ABCA12: variants seen among roughly 807,000 people sequenced by gnomAD.
The protein encoded by ABCA12 is glucosylceramide transporter ABCA12.
ABCA12 carries 156 observed loss-of-function variants against 293.5 expected under a neutral mutation model. The observed-to-expected ratio is 0.53, with a 90% confidence interval of 0.47 to 0.61. ABCA12 has a LOEUF of 0.61. ABCA12 is among the 20% of genes least tolerant of loss of function. The pLI, the probability that ABCA12 is intolerant of heterozygous loss-of-function variation, is 0.00. For synonymous variants in ABCA12, 1,063 were observed against 1,108.0 expected (o/e 0.96, Z 0.81); for missense variants, 2,797 against 3,090.2 (o/e 0.91, Z 2.25).
intron 1 of ABCA12, among the ~76,000 whole-genome samples, chr2:215,135,898 T>C (rs1361697334): frequency 6.6e-6 from 1 of 152,182 alleles, no homozygotes; most frequent in Non-Finnish European, 1.5e-5. Context: ...GAGCTGACCC[T>C]AGGCGAAACT....
At chr2:215,073,755 A>T (rs962579273) in intron 2 of ABCA12, among the ~76,000 whole-genome samples, 11 of 152,278 alleles carry the variant, frequency 7.2e-5, no homozygotes, top group African/African-American at 2.6e-4. Context: ...TCACCTAGGC[A>T]TCTAGGAGTT....
At chr2:215,115,866 G>A (rs1702675523) in intron 1 of ABCA12, among the ~76,000 whole-genome samples, 1 of 152,188 alleles carries the variant, frequency 6.6e-6, no homozygotes, top group Admixed American at 6.5e-5. Context: ...AGAGGACATG[G>A]GCACTGAGGC....
chr2:214,973,496 C>T (rs749480445), intron 36 of ABCA12, among the ~76,000 whole-genome samples: 27 of 152,004 alleles, frequency 1.8e-4, no homozygotes, highest in Non-Finnish European at 3.5e-4. Context: ...TTTGTTTTTT[C>T]AGGAAATGAT....
rs1490888932 is a variant in ABCA12, at chr2:214,973,534, T to C, written c.5562+415A>G. ...TTTTCCTGAAGCCTGGAGGTGTTGC[T>C]TAGAGACACATGGAGTTCTGTTCTA... On this transcript the variant is annotated intron_variant, in intron 36 of 52. Transcript: ENST00000272895. Among the ~76,000 whole-genome samples the C allele has an allele frequency of 2.0e-5, 3 of 152,178 alleles. No individual in the cohort carries two copies. In the East Asian group the frequency reaches 5.8e-4, roughly 29 times the overall value.
At position 214,997,630 on chromosome 2, in the gene ABCA12, T is replaced by C. The variant is rs567790720; in HGVS notation, c.3294+65A>G. On this transcript the variant is annotated intron_variant, in intron 23 of 52. Coordinates refer to ENST00000272895, the MANE Select transcript of ABCA12 (RefSeq NM_173076.3). ...CTTTCTGAAGTTTATAAAGGCATGA[T>C]GAAAATCATAGTAATTGTTCTATGA... 7.3e-6 allele frequency: 9 copies of C among 1,238,058 alleles called. No individual in the cohort carries two copies. In the African/African-American group the frequency reaches 1.1e-4, roughly 14 times the overall value. The allele number at this position is 1,238,058 out of a possible 1,614,324, so 76.7% of individuals were successfully genotyped here.
chr2:215,011,051 A>G (rs1276346525), intron 17 of ABCA12, among the ~76,000 whole-genome samples: 1 of 152,010 alleles, frequency 6.6e-6, no homozygotes, highest in African/African-American at 2.4e-5. Context: ...CTAGAAAGTT[A>G]GGAAAAAAAT....
chr2:214,994,688 A>G (rs1699998253), intron 23 of ABCA12, among the ~76,000 whole-genome samples: 1 of 152,212 alleles, frequency 6.6e-6, no homozygotes, highest in African/African-American at 2.4e-5. Context: ...GGATGTTGTG[A>G]TCATTACTGG....
intron 39 of ABCA12, among the ~76,000 whole-genome samples, chr2:214,966,210 G>T (rs749117854): frequency 3.3e-5 from 5 of 152,152 alleles, no homozygotes; most frequent in Non-Finnish European, 5.9e-5. Flanking sequence ...ACATGGTGGG[G>T]AACAACACAC....
chr2:214,959,914 A>T (rs2105939054), intron 39 of ABCA12, among the ~76,000 whole-genome samples: 1 of 152,266 alleles, frequency 6.6e-6, no homozygotes, highest in Non-Finnish European at 1.5e-5. Context: ...CGACTGTGGA[A>T]AAGAGTGGTA....
Position 215,081,843 on chromosome 2 carries a change from A to G in ABCA12, c.164-17624T>C, listed in dbSNP as rs80122444. ...ATTGACAATGAAGTTTTATTTCCCTATAAAACAATTAAGAGGATCTTGAAT... is the reference window on the plus strand; with the variant it reads ...ATTGACAATGAAGTTTTATTTCCCTGTAAAACAATTAAGAGGATCTTGAAT... On this transcript the variant is annotated intron_variant, in intron 2 of 52. Coordinates refer to ENST00000272895, the MANE Select transcript of ABCA12 (RefSeq NM_173076.3). Among the ~76,000 whole-genome samples the G allele has an allele frequency of 5.9e-5, 9 of 152,288 alleles. No individual in the cohort carries two copies. The East Asian group carries it at 1.5e-3, about 26-fold the overall frequency.
intron 2 of ABCA12, among the ~76,000 whole-genome samples, chr2:215,098,466 A>G (rs1355285758): frequency 2.6e-5 from 4 of 152,228 alleles, no homozygotes; most frequent in South Asian, 2.1e-4. Flanking sequence ...ACAAAAGGCA[A>G]CCACTCCAGA....
At chr2:215,098,935 C>T (rs1173792306) in intron 2 of ABCA12, among the ~76,000 whole-genome samples, 1 of 152,196 alleles carries the variant, frequency 6.6e-6, no homozygotes, top group Non-Finnish European at 1.5e-5. Context: ...CACGTTTATG[C>T]CCTTTGTTAT....
In ABCA12 at chr2:215,064,165, G is replaced by A; in HGVS notation, c.218C>T (p.Thr73Ile). Residue 73 changes from threonine (T) to isoleucine (I), a missense_variant, in exon 3 of 53, where the codon ACC (threonine) becomes ATC (isoleucine). By Grantham distance (89) the Thr-to-Ile change is moderately conservative (BLOSUM62 -1). This residue lies in a region of ABCA12 where 656 missense variants were observed against 638.2 expected (regional missense o/e 1.03). Transcript: ENST00000272895. Reference protein sequence around the residue: ...PSTGFFPFLQTLLCDTDSKCK... With the variant: ...PSTGFFPFLQILLCDTDSKCK... ...TTTAGAGTCTGTGTCACAGAGTAGG[G>A]TCTGCAGGAATGGAAAGAATCCAGT... is the stretch of plus-strand genomic sequence containing the variant. 1 of 1,612,826 alleles carries A rather than the reference G, an allele frequency of 6.2e-7. No individual in the cohort carries two copies. Among genetic ancestry groups the A allele is most frequent in the South Asian group, 1.1e-5 (1 of 91,068 alleles).
intron 2 of ABCA12, among the ~76,000 whole-genome samples, chr2:215,077,398 C>T (rs1226121517): frequency 6.6e-6 from 1 of 152,116 alleles, no homozygotes; most frequent in African/African-American, 2.4e-5. Flanking sequence ...TTGATAAATT[C>T]CATTCTTTGG....
At position 215,084,610 on chromosome 2, in the gene ABCA12, T is replaced by A. The variant is rs545324005; in HGVS notation, c.164-20391A>T. On this transcript the variant is annotated intron_variant, in intron 2 of 52. Coordinates refer to ENST00000272895, the MANE Select transcript of ABCA12 (RefSeq NM_173076.3). Reference sequence around the variant, plus strand: ...TCCTTAACCATCAAAAGGGGGAAACTTAGCCAGAAGCTTCTCGTAACTATT... The same window carrying A: ...TCCTTAACCATCAAAAGGGGGAAACATAGCCAGAAGCTTCTCGTAACTATT... Among the ~76,000 whole-genome samples the A allele has an allele frequency of 3.3e-5, 5 of 152,278 alleles. No homozygotes were observed. In the South Asian group the frequency reaches 6.2e-4, roughly 19 times the overall value.
intron 19 of ABCA12, among the ~76,000 whole-genome samples, chr2:215,006,872 T>C (rs1210388584): frequency 1.9e-3 from 6 of 3,112 alleles, no homozygotes; most frequent in South Asian, 0.025. Flanking sequence ...CCTGCCTTTT[T>C]TTTTTTTTTT....
At chr2:215,071,552 T>C (rs1414618119) in intron 2 of ABCA12, among the ~76,000 whole-genome samples, 1 of 152,176 alleles carries the variant, frequency 6.6e-6, no homozygotes, top group Admixed American at 6.5e-5. Context: ...GAAAAACAGG[T>C]ACACTTCTAG....
chr2:215,107,260 G>T (rs187431051), intron 2 of ABCA12, among the ~76,000 whole-genome samples: 25 of 152,252 alleles, frequency 1.6e-4, no homozygotes, highest in Non-Finnish European at 3.1e-4. Context: ...TAAGCTTGCC[G>T]CACATTACAG....
intron 11 of ABCA12, among the ~76,000 whole-genome samples, chr2:215,024,421 A>G (rs983520531): frequency 1.3e-5 from 2 of 152,230 alleles, no homozygotes; most frequent in African/African-American, 4.8e-5. Flanking sequence ...CAGAAGAAAA[A>G]GTCATTATCC....
Sources: allele counts gnomAD v4.1 joint callset (sites outside exome capture counted in the v4.1 genomes callset), GRCh38; gene constraint gnomAD v4.1.1; regional missense constraint gnomAD v4.1.1; transcripts MANE v1.5; gene names NCBI Gene and HGNC (gene_info 2026-07-23, HGNC 2026-07-21).